Variants in NTM observed in about 807,000 individuals in gnomAD.
The protein encoded by NTM is neurotrimin.
A neutral mutation model predicts 42.1 loss-of-function variants in NTM; 13 were observed. The observed-to-expected ratio is 0.31, with a 90% CI of 0.20 to 0.49. The LOEUF (loss-of-function observed/expected upper bound fraction) is 0.49. Ranked by LOEUF, NTM falls within the 20% of genes least tolerant of loss-of-function variation. The pLI is 0.99. For missense variants in NTM, 373 were observed against 452.8 expected (o/e 0.82, Z 1.60); for synonymous variants, 187 against 179.2 (o/e 1.04, Z -0.35).
At chr11:131,708,488 A>G (rs914999778) in intron 1 of NTM, among the ~76,000 whole-genome samples, 4 of 152,194 alleles carry the variant, frequency 2.6e-5, no homozygotes, top group Non-Finnish European at 5.9e-5. Flanking sequence ...TGAAACAAAT[A>G]TATGAAAATA....
At chr11:131,690,640 A>G (rs953462637) in intron 1 of NTM, among the ~76,000 whole-genome samples, 2 of 152,250 alleles carry the variant, frequency 1.3e-5, no homozygotes, top group African/African-American at 4.8e-5. Flanking sequence ...AAGGTGTCAG[A>G]GCGCGGGGCG....
intron 3 of NTM, among the ~76,000 whole-genome samples, chr11:132,177,028 C>T (rs779096637): frequency 4.6e-5 from 7 of 152,026 alleles, no homozygotes; most frequent in Non-Finnish European, 1.5e-5. Context: ...TGAGCCGTGC[C>T]GCCTGACATG....
intron 2 of NTM, among the ~76,000 whole-genome samples, chr11:132,129,125 G>A (rs1490874087): frequency 6.6e-6 from 1 of 152,084 alleles, no homozygotes; most frequent in African/African-American, 2.4e-5. Context: ...TTGTGTGTGT[G>A]TGTTGGTAGG....
intron 1 of NTM, among the ~76,000 whole-genome samples, chr11:131,763,707 C>CTTTTTTTTTTTTTTTT (rs1443279848): frequency 1.6e-5 from 1 of 60,766 alleles, no homozygotes; most frequent in Non-Finnish European, 3.8e-5. Context: ...CCATCTCTCT[C>CTTTTTTTTTTTTTTTT]TCTTTTTTTT....
chr11:131,519,239 C>T (rs2049286356), intron 1 of NTM, among the ~76,000 whole-genome samples: 1 of 152,240 alleles, frequency 6.6e-6, no homozygotes, highest in Admixed American at 6.5e-5. Context: ...TTTGAGGCTT[C>T]ACTGGGACCT....
chr11:131,372,108 T>G (rs1242954988), intron 1 of NTM, among the ~76,000 whole-genome samples: 1 of 152,184 alleles, frequency 6.6e-6, no homozygotes. Flanking sequence ...ATTGCTGCTG[T>G]CCTCTTGACA....
intron 1 of NTM, among the ~76,000 whole-genome samples, chr11:131,707,767 A>G (rs1183253949): frequency 2.0e-5 from 3 of 152,118 alleles, no homozygotes; most frequent in Non-Finnish European, 4.4e-5. Context: ...GTACAGAAAG[A>G]ATGTACTTCA....
intron 1 of NTM, among the ~76,000 whole-genome samples, chr11:131,710,581 T>G (rs2077020711): frequency 6.6e-6 from 1 of 152,164 alleles, no homozygotes; most frequent in South Asian, 2.1e-4. Context: ...GTCCCTTGCC[T>G]TTAATTCACT....
chr11:131,583,088 C>G (rs908176944), intron 1 of NTM, among the ~76,000 whole-genome samples: 2 of 152,222 alleles, frequency 1.3e-5, no homozygotes, highest in African/African-American at 4.8e-5. Context: ...GCATCACTAA[C>G]CTATTTCCAC....
At chr11:131,866,212 C>T (rs2047196203) in intron 1 of NTM, among the ~76,000 whole-genome samples, 1 of 152,250 alleles carries the variant, frequency 6.6e-6, no homozygotes, top group Non-Finnish European at 1.5e-5. Flanking sequence ...TGCACACACA[C>T]ATGCATGCGT....
intron 2 of NTM, among the ~76,000 whole-genome samples, chr11:132,143,981 G>GGATCATACTCTT (rs1555283200): frequency 6.6e-6 from 1 of 151,950 alleles, no homozygotes; most frequent in South Asian, 2.1e-4. Context: ...AGAAAGGCTT[G>GGATCATACTCTT]GATCAGTTCA....
chr11:131,542,229 G>C (rs186586411), intron 1 of NTM, among the ~76,000 whole-genome samples: 1 of 152,182 alleles, frequency 6.6e-6, no homozygotes, highest in South Asian at 2.1e-4. Context: ...GGTCAAGAAG[G>C]CCTCAGAGTT....
intron 3 of NTM, among the ~76,000 whole-genome samples, chr11:132,151,498 C>A (rs953359819): frequency 6.6e-6 from 1 of 152,186 alleles, no homozygotes; most frequent in Non-Finnish European, 1.5e-5. Context: ...CAGTAGAATA[C>A]AGTGCTTATA....
chr11:131,710,994 C>T (rs915672001), intron 1 of NTM, among the ~76,000 whole-genome samples: 1 of 152,162 alleles, frequency 6.6e-6, no homozygotes, highest in African/African-American at 2.4e-5. Flanking sequence ...CTTTTTACCC[C>T]CTTCTTCTCT....
chr11:131,974,885 T>A (rs2064083332), intron 2 of NTM, among the ~76,000 whole-genome samples: 2 of 152,186 alleles, frequency 1.3e-5, no homozygotes, highest in Admixed American at 1.3e-4. Flanking sequence ...GAGACTGGAA[T>A]AGTCTAAACT....
At chr11:131,495,745 G>A (rs1323792866) in intron 1 of NTM, among the ~76,000 whole-genome samples, 2 of 152,222 alleles carry the variant, frequency 1.3e-5, no homozygotes, top group Admixed American at 6.5e-5. Context: ...GCTGGGGAGG[G>A]GGATTGGGCC....
intron 2 of NTM, among the ~76,000 whole-genome samples, chr11:132,022,539 G>T (rs754916990): frequency 6.6e-6 from 1 of 152,262 alleles, no homozygotes; most frequent in East Asian, 1.9e-4. Context: ...GAGTTCCCTT[G>T]TGCTCAACTA....
chr11:131,410,105 C>T (rs777935240), intron 1 of NTM, among the ~76,000 whole-genome samples: 1 of 152,096 alleles, frequency 6.6e-6, no homozygotes, highest in Non-Finnish European at 1.5e-5. Context: ...GCAGGCCAGG[C>T]ACGGGTCTCA....
intron 1 of NTM, chr11:131,910,744 C>T (rs2054706233): frequency 2.6e-6 from 2 of 771,784 alleles, no homozygotes; most frequent in Non-Finnish European, 3.1e-6. Flanking sequence ...CGCCGCGGTC[C>T]GCTCCCGCCG....
Sources: allele counts gnomAD v4.1 joint callset (sites outside exome capture counted in the v4.1 genomes callset), GRCh38; gene constraint gnomAD v4.1.1; transcripts MANE v1.5; gene names NCBI Gene and HGNC (gene_info 2026-07-23, HGNC 2026-07-21).